The following CDCA5 variants were observed in gnomAD, a reference collection of about 807,000 sequenced individuals.
CDCA5 encodes sororin.
A neutral mutation model predicts 25.7 loss-of-function variants in CDCA5; 14 were observed. The ratio of observed to expected loss-of-function variants is 0.54; its 90% CI spans 0.36 to 0.85. The LOEUF (loss-of-function observed/expected upper bound fraction) is 0.85, where lower values mean the gene tolerates loss of function less well. Ranked by LOEUF, CDCA5 falls within the 40% of genes least tolerant of loss-of-function variation. The pLI is 0.01. For missense variants in CDCA5, 307 were observed against 324.5 expected (o/e 0.95, Z 0.41); for synonymous variants, 127 against 128.7 (o/e 0.99, Z 0.09).
At chr11:65,063,311 C>A (rs1049217163), downstream of CDCA5, among the ~76,000 whole-genome samples, 5 of 152,198 alleles carry the variant, frequency 3.3e-5, no homozygotes, top group African/African-American at 1.2e-4. Flanking sequence ...TCTGGCCACC[C>A]TCTTGGGCAG....
chr11:65,068,529 C>A lies in CDCA5; in HGVS notation c.136G>T (p.Glu46Ter). Residue 46 changes from glutamate to a stop codon, truncating the protein, a stop_gained, in exon 2 of 7, where the codon GAA (glutamate) becomes TAA (stop). Coordinates refer to the CDCA5 transcript ENST00000525464. LOFTEE classifies it high-confidence loss of function. ...TCGGAAGCCTGAGGGCCCTTGGGTT[C>A]TTGCTCCTCAACAGGCTGCACCACT... 1 of 1,289,446 alleles carries A rather than the reference C, an allele frequency of 7.8e-7. No individual in the cohort carries two copies. The highest frequency in any genetic ancestry group is 1.0e-6 in the Non-Finnish European group (1 of 988,872). The allele number at this position is 1,289,446 out of a possible 1,614,324, so 79.9% of individuals were successfully genotyped here.
exon 6 of CDCA5, chr11:65,066,574 G>A: frequency 1.6e-6 from 2 of 1,289,420 alleles, no homozygotes; most frequent in Non-Finnish European, 2.0e-6. Context: ...ACCTCCGGCA[G>A]GGCCTGGCTT....
At position 65,083,515 on chromosome 11, in the gene CDCA5, G is replaced by C. The variant is rs1378749857; in HGVS notation, c.177C>G (p.Val59=). 1 of 1,614,236 alleles carries C rather than the reference G, an allele frequency of 6.2e-7. No individual in the cohort carries two copies. Among genetic ancestry groups the C allele is most frequent in the African/African-American group, 1.3e-5 (1 of 75,060 alleles). The change falls in exon 3 of 6, where the codon GTC becomes GTG. Residue 59 remains valine (V), a synonymous_variant. Coordinates refer to ENST00000275517, the MANE Select transcript of CDCA5 (RefSeq NM_080668.4). ...PSAAAVRKPI[V]LKRIVAHAVE... ...CAGCATGGGCCACGATCCTCTTTAA[G>C]ACGATGGGCTTTCTGACTGCAGCCG... is the stretch of plus-strand genomic sequence containing the variant.
chr11:65,077,401 C>T, downstream of CDCA5: 1 of 953,526 alleles, frequency 1.0e-6, no homozygotes, highest in Non-Finnish European at 1.2e-6. Context: ...CCACTGGAGG[C>T]CTGGCCTTAC....
chr11:65,073,861 A>G (rs769150602), downstream of CDCA5, among the ~76,000 whole-genome samples: 42 of 152,318 alleles, frequency 2.8e-4, no homozygotes, highest in Non-Finnish European at 2.6e-4. Context: ...CATTCCCCAC[A>G]CCAGACACTG....
chr11:65,066,815 G>C (rs1947247417), exon 5 of CDCA5: 1 of 1,289,270 alleles, frequency 7.8e-7, no homozygotes, highest in African/African-American at 1.5e-5. Flanking sequence ...GGTCTTACCA[G>C]GTTCTGCAGC....
chr11:65,066,387 C>T (rs865978698), exon 7 of CDCA5: 10 of 1,198,832 alleles, frequency 8.3e-6, no homozygotes, highest in Middle Eastern at 2.8e-4. Flanking sequence ...TGGCCTGGGG[C>T]CTGGCCAGGC....
At chr11:65,061,909 G>C (rs1947189832), downstream of CDCA5, among the ~76,000 whole-genome samples, 1 of 137,432 alleles carries the variant, frequency 7.3e-6, no homozygotes, top group Non-Finnish European at 1.5e-5. Flanking sequence ...ATTTCCAGCT[G>C]CCTAATTTTT....
downstream of CDCA5, among the ~76,000 whole-genome samples, chr11:65,062,591 C>T (rs1472255286): frequency 2.6e-5 from 4 of 152,112 alleles, no homozygotes; most frequent in African/African-American, 9.7e-5. Flanking sequence ...TGTGTCTTTG[C>T]TCAAATGTCA....
At position 65,066,592 on chromosome 11, in the gene CDCA5, G is replaced by A. The variant is rs1259990948; in HGVS notation, c.523C>T (p.Gln175Ter). The change falls in exon 6 of 7, where the codon CAG becomes TAG. Residue 175 changes from glutamine to a stop codon, truncating the protein, a stop_gained. Coordinates refer to the CDCA5 transcript ENST00000525464. LOFTEE classifies it low-confidence loss of function (END_TRUNC). ...TCCGGCAGGGCCTGGCTTTCCTCCT[G>A]CAGGGCCTTCACTTCATCCTGGATG... 2 of 1,289,310 alleles carry A rather than the reference G, an allele frequency of 1.6e-6. No homozygotes were observed. The highest frequency in any genetic ancestry group is 2.0e-6 in the Non-Finnish European group (2 of 988,870). 79.9% of individuals were successfully genotyped at this position (1,289,310 alleles called of 1,614,324 possible). A position where few individuals can be genotyped will look rare whatever the true frequency, so the allele number is the denominator to read the frequency against.
chr11:65,066,811 A>T lies in CDCA5; in HGVS notation c.435+2T>A. 7.8e-7 allele frequency: 1 copy of T among 1,289,308 alleles called. No homozygotes were observed. Among genetic ancestry groups the T allele is most frequent in the African/African-American group, 1.5e-5 (1 of 65,946 alleles). 79.9% of individuals were successfully genotyped at this position (1,289,308 alleles called of 1,614,324 possible). A position where few individuals can be genotyped will look rare whatever the true frequency, so the allele number is the denominator to read the frequency against. On this transcript the variant is annotated splice_donor_variant, in intron 5 of 6. Transcript: ENST00000525464. LOFTEE classifies it high-confidence loss of function. ...AAATGGGGTCCTGGCTCAGGGTCTTACCAGGTTCTGCAGCTTCTCCCCCAG... is the reference window on the plus strand; with the variant it reads ...AAATGGGGTCCTGGCTCAGGGTCTTTCCAGGTTCTGCAGCTTCTCCCCCAG...
At chr11:65,076,491 G>T (rs1947447693), downstream of CDCA5, among the ~76,000 whole-genome samples, 1 of 152,178 alleles carries the variant, frequency 6.6e-6, no homozygotes, top group Admixed American at 6.5e-5. Flanking sequence ...AGGTTTCAGA[G>T]ACAAGATAAT....
chr11:65,078,227 A>G lies in CDCA5; in HGVS notation c.*880T>C. On this transcript the variant is annotated 3_prime_UTR_variant, in exon 6 of 6. Coordinates refer to ENST00000275517, the MANE Select transcript of CDCA5 (RefSeq NM_080668.4). ...CTCGGTGTAACTTATTTTGTAAGAAATGGGTATGGGTGACAAGAGGGGCCA... is the reference window on the plus strand; with the variant it reads ...CTCGGTGTAACTTATTTTGTAAGAAGTGGGTATGGGTGACAAGAGGGGCCA... 1.0e-6 allele frequency: 1 copy of G among 985,434 alleles called. No individual in the cohort carries two copies. Among genetic ancestry groups the G allele is most frequent in the Non-Finnish European group, 1.2e-6 (1 of 829,952 alleles). The allele number at this position is 985,434 out of a possible 1,614,324, so 61.0% of individuals were successfully genotyped here. A position where few individuals can be genotyped will look rare whatever the true frequency, so the allele number is the denominator to read the frequency against.
At chr11:65,066,029 C>T (rs1218060686), downstream of CDCA5, among the ~76,000 whole-genome samples, 2 of 152,110 alleles carry the variant, frequency 1.3e-5, no homozygotes, top group African/African-American at 2.4e-5. Context: ...GGAGGGACTG[C>T]GGCCCCTTTC....
Position 65,078,650 on chromosome 11 carries a change from C to A in CDCA5, c.*457G>T. 3.0e-6 allele frequency: 3 copies of A among 991,750 alleles called. No individual in the cohort carries two copies. Among genetic ancestry groups the A allele is most frequent in the Non-Finnish European group, 3.6e-6 (3 of 834,502 alleles). 61.4% of individuals were successfully genotyped at this position (991,750 alleles called of 1,614,324 possible). On this transcript the variant is annotated 3_prime_UTR_variant, in exon 6 of 6. Transcript: ENST00000275517. ...GAAAACCTCTTTACACAGGTGGGTT[C>A]AAGAAGAAAGCCACCAACAGAAGGC...
chr11:65,080,756 C>CT lies in CDCA5; in HGVS notation c.244-970dup, dbSNP rs567300803. Among the ~76,000 whole-genome samples, 41 of 152,300 alleles carry CT rather than the reference C, an allele frequency of 2.7e-4. No individual in the cohort carries two copies. In the South Asian group the frequency reaches 8.1e-3, roughly 30 times the overall value. On this transcript the variant is annotated intron_variant, in intron 4 of 5. Transcript: ENST00000275517. ...CAGTCCATAAGTATTTATCAGTCAC[C>CT]TGTCCTGTGCCAGGCACTGGGAACA... is the stretch of plus-strand genomic sequence containing the variant.
At chr11:65,074,136 A>G (rs559757857), downstream of CDCA5, among the ~76,000 whole-genome samples, 2 of 152,280 alleles carry the variant, frequency 1.3e-5, no homozygotes, top group African/African-American at 2.4e-5. Flanking sequence ...GCAGTGGCAC[A>G]ATATCGGCTC....
chr11:65,078,740 C>G lies in CDCA5; in HGVS notation c.*367G>C, dbSNP rs1947494885. 1.9e-6 allele frequency: 2 copies of G among 1,028,602 alleles called. No homozygotes were observed. Among genetic ancestry groups the G allele is most frequent in the Non-Finnish European group, 2.3e-6 (2 of 858,998 alleles). The allele number at this position is 1,028,602 out of a possible 1,614,324, so 63.7% of individuals were successfully genotyped here. On this transcript the variant is annotated 3_prime_UTR_variant, in exon 6 of 6. Coordinates refer to ENST00000275517, the MANE Select transcript of CDCA5 (RefSeq NM_080668.4). ...GCCTATTTCCAAGCAGCCACCCCTC[C>G]CAACAAGAGCAGAGGTGCCTCTCAC...
At chr11:65,073,786 C>T (rs2137094558), downstream of CDCA5, among the ~76,000 whole-genome samples, 1 of 152,298 alleles carries the variant, frequency 6.6e-6, no homozygotes, top group Middle Eastern at 3.4e-3. Context: ...CTTCAAAGGG[C>T]AGGCACTGTA....
Sources: allele counts gnomAD v4.1 joint callset (sites outside exome capture counted in the v4.1 genomes callset), GRCh38; gene constraint gnomAD v4.1.1; transcripts MANE v1.5; gene names NCBI Gene and HGNC (gene_info 2026-07-23, HGNC 2026-07-21).